Variants in C9 observed in about 807,000 individuals in gnomAD.
C9 encodes complement C9, also known as complement component C9.
Under a neutral mutation model 65.4 loss-of-function variants are expected in C9, and 63 were observed. That is an observed-to-expected ratio of 0.96 (90% CI 0.79 to 1.19). The LOEUF is 1.19. Among genes scored for constraint, C9 ranks in the 50% most tolerant of loss-of-function variants. The pLI is 0.00. For missense variants in C9, 744 were observed against 670.1 expected, an observed-to-expected ratio of 1.11 and a Z score of -1.22; for synonymous variants, 229 against 227.9, an observed-to-expected ratio of 1.00 and a Z score of -0.04.
At chr5:39,310,459 C>T (rs751162005) in intron 7 of C9, among the ~76,000 whole-genome samples, 13 of 152,166 alleles carry the variant, frequency 8.5e-5, no homozygotes, top group Non-Finnish European at 1.3e-4. Context: ...AAGACTTAGA[C>T]GAACCCTTTA....
At chr5:39,324,086 C>G (rs1033391482) in intron 5 of C9, among the ~76,000 whole-genome samples, 1 of 152,010 alleles carries the variant, frequency 6.6e-6, no homozygotes, top group Non-Finnish European at 1.5e-5. Flanking sequence ...AAGAATAAAA[C>G]ACTTAGGAAT....
At chr5:39,352,444 A>G (rs1244703255) in intron 1 of C9, among the ~76,000 whole-genome samples, 2 of 152,166 alleles carry the variant, frequency 1.3e-5, no homozygotes, top group Non-Finnish European at 2.9e-5. Context: ...TGAGTGCGTT[A>G]ATTTTTCTCC....
chr5:39,294,642 AG>A (rs1195200066), intron 9 of C9, among the ~76,000 whole-genome samples: 1 of 151,880 alleles, frequency 6.6e-6, no homozygotes, highest in Admixed American at 6.6e-5. Context: ...TCTTTAAACA[AG>A]AATTAACACT....
At chr5:39,299,557 T>C (rs1753246355) in intron 9 of C9, among the ~76,000 whole-genome samples, 1 of 152,238 alleles carries the variant, frequency 6.6e-6, no homozygotes, top group East Asian at 1.9e-4. Context: ...TGTGTGAATG[T>C]GGATGGATCT....
intron 4 of C9, among the ~76,000 whole-genome samples, chr5:39,334,034 C>A (rs1033914272): frequency 3.9e-5 from 6 of 152,032 alleles, no homozygotes; most frequent in African/African-American, 1.2e-4. Context: ...CGGCCGCCAC[C>A]CCGTCTGGGA....
chr5:39,302,465 G>T (rs2111867373), intron 9 of C9, among the ~76,000 whole-genome samples: 1 of 152,154 alleles, frequency 6.6e-6, no homozygotes, highest in Middle Eastern at 3.4e-3. Context: ...TAGAATGAGT[G>T]TTGTTTTTTA....
intron 1 of C9, among the ~76,000 whole-genome samples, chr5:39,349,653 G>A (rs74601941): frequency 0.01 from 1,524 of 152,206 alleles, 27 homozygotes; most frequent in African/African-American, 0.036. Flanking sequence ...CCCTGTGAAC[G>A]CTGCTCTTGC....
At chr5:39,306,867 T>A in intron 8 of C9, 75 bp from the exon 9 acceptor site, 1 of 999,522 alleles carries the variant, frequency 1.0e-6, no homozygotes, top group South Asian at 1.3e-5. Context: ...GGACATATGA[T>A]AAACATTTAT....
intron 1 of C9, among the ~76,000 whole-genome samples, chr5:39,356,478 C>A (rs1754414784): frequency 6.6e-6 from 1 of 152,226 alleles, no homozygotes; most frequent in Admixed American, 6.5e-5. Context: ...CATATAGCAG[C>A]CCCAGGCAAA....
intron 6 of C9, among the ~76,000 whole-genome samples, chr5:39,313,537 G>C (rs1002545358): frequency 1.3e-5 from 2 of 152,150 alleles, no homozygotes; most frequent in Non-Finnish European, 2.9e-5. Context: ...TTGTTAAAAT[G>C]CAACACTGAG....
intron 4 of C9, among the ~76,000 whole-genome samples, chr5:39,336,106 A>G (rs915574861): frequency 1.3e-5 from 2 of 152,190 alleles, no homozygotes; most frequent in African/African-American, 4.8e-5. Flanking sequence ...CACTTTAAAG[A>G]TAAAATCAAT....
chr5:39,294,105 T>C (rs1049565417), intron 9 of C9, among the ~76,000 whole-genome samples: 4 of 151,728 alleles, frequency 2.6e-5, no homozygotes, highest in African/African-American at 9.7e-5. Flanking sequence ...TTCAAAAATC[T>C]AGAAAATTTT....
intron 9 of C9, among the ~76,000 whole-genome samples, chr5:39,294,667 A>C (rs1262700474): frequency 2.6e-5 from 4 of 151,778 alleles, no homozygotes; most frequent in Admixed American, 2.6e-4. Context: ...TCTTCTCAAA[A>C]ATTTTTTTAA....
intron 10 of C9, among the ~76,000 whole-genome samples, chr5:39,286,647 T>G (rs1215122991): frequency 4.6e-5 from 7 of 151,994 alleles, no homozygotes; most frequent in Non-Finnish European, 1.0e-4. Flanking sequence ...CAGCAGAATA[T>G]TCTACATAGA....
In C9 at chr5:39,311,198, C is replaced by T; in HGVS notation, c.1050G>A (p.Gly350=). 1 of 1,612,910 alleles carries T rather than the reference C, an allele frequency of 6.2e-7. No homozygotes were observed. Among genetic ancestry groups the T allele is most frequent in the Non-Finnish European group, 8.5e-7 (1 of 1,178,940 alleles). The change falls in exon 7 of 11, where the codon GGG becomes GGA. Residue 350 remains glycine, a synonymous_variant. Transcript: ENST00000263408. The part of the protein sequence containing the change: ...ETYGTHYSSS[G]SLGGLYELIY... Reference sequence around the variant, plus strand: ...TTAGTTCATAGAGTCCTCCTAGAGACCCAGAGCTACTGTAGTGAGTTCCAT... The same window carrying T: ...TTAGTTCATAGAGTCCTCCTAGAGATCCAGAGCTACTGTAGTGAGTTCCAT...
chr5:39,320,423 T>C (rs944089186), intron 5 of C9, among the ~76,000 whole-genome samples: 5 of 152,132 alleles, frequency 3.3e-5, no homozygotes, highest in Admixed American at 6.5e-5. Context: ...TAGCAGATTC[T>C]ATCACACAGA....
At chr5:39,301,136 C>T (rs1753272743) in intron 9 of C9, among the ~76,000 whole-genome samples, 1 of 152,048 alleles carries the variant, frequency 6.6e-6, no homozygotes, top group African/African-American at 2.4e-5. Flanking sequence ...ATAAAAAAAT[C>T]ATCAACATCA....
chr5:39,321,258 T>C (rs1311370646), intron 5 of C9, among the ~76,000 whole-genome samples: 1 of 152,078 alleles, frequency 6.6e-6, no homozygotes, highest in Non-Finnish European at 1.5e-5. Context: ...AAGATGTTAA[T>C]TGTGACATCA....
At chr5:39,307,027 G>A (rs537879910) in intron 8 of C9, among the ~76,000 whole-genome samples, 2 of 152,120 alleles carry the variant, frequency 1.3e-5, no homozygotes, top group Non-Finnish European at 2.9e-5. Flanking sequence ...AAATAAAAAT[G>A]ATACCCATGG....
Sources: allele counts gnomAD v4.1 joint callset (sites outside exome capture counted in the v4.1 genomes callset), GRCh38; gene constraint gnomAD v4.1.1; transcripts MANE v1.5; gene names NCBI Gene and HGNC (gene_info 2026-07-23, HGNC 2026-07-21).